CRTC1: variants seen among roughly 807,000 people sequenced by gnomAD.
CRTC1 encodes CREB-regulated transcription coactivator 1.
Under a neutral mutation model 66.1 loss-of-function variants are expected in CRTC1, and 18 were observed. The ratio of observed to expected loss-of-function variants is 0.27; its 90% CI spans 0.19 to 0.40. The LOEUF is 0.40. Ranked by LOEUF, CRTC1 falls within the 10% of genes least tolerant of loss-of-function variation. CRTC1 has a pLI of 1.00. For synonymous variants in CRTC1, 416 were observed against 398.8 expected, an observed-to-expected ratio of 1.04 and a Z score of -0.51; for missense variants, 669 against 887.9, an observed-to-expected ratio of 0.75 and a Z score of 3.13.
Position 18,747,557 on chromosome 19 carries a change from C to T in CRTC1, c.443+443C>T, listed in dbSNP as rs540729798. The stretch of plus-strand genomic sequence containing the variant: ...GAGGCTGAGGCGGGATAATTGAACC[C>T]GGGAGGCGGAGGTTGCGGTGAGCCA... On this transcript the variant is annotated intron_variant, in intron 4 of 13. Transcript: ENST00000321949. Among the ~76,000 whole-genome samples the T allele has an allele frequency of 2.2e-3, 335 of 152,024 alleles. 1 individual carries two copies. Among genetic ancestry groups the T allele is most frequent in the African/African-American group, 7.5e-3 (311 of 41,466 alleles).
intron 1 of CRTC1, among the ~76,000 whole-genome samples, chr19:18,691,582 T>TGTG (rs1167399421): frequency 6.8e-6 from 1 of 145,994 alleles, no homozygotes; most frequent in Non-Finnish European, 1.5e-5. Context: ...GAGAGGACCA[T>TGTG]GTGACAATGG....
intron 1 of CRTC1, among the ~76,000 whole-genome samples, chr19:18,706,536 A>G (rs113211423): frequency 3.8e-4 from 58 of 152,198 alleles, no homozygotes; most frequent in African/African-American, 1.3e-3. Flanking sequence ...TCTTTATGCC[A>G]GTATCACACT....
intron 7 of CRTC1, 39 bp from the exon 8 acceptor site, chr19:18,759,969 C>T (rs1600972068): frequency 1.4e-6 from 2 of 1,453,424 alleles, no homozygotes; most frequent in South Asian, 1.3e-5. Context: ...AGCCCCGCCC[C>T]ATGAGCTCAC....
In CRTC1 at chr19:18,775,786, C is replaced by T. The variant is rs1601026088; in HGVS notation, c.1658C>T (p.Ala553Val). ...SLPDSQQLGY[A>V]SHSGIPNIIL... ...CCGGACTCGCAGCAACTGGGATACG[C>T]CAGCCACAGTGGCATCCCCAACATC... The change falls in exon 13 of 14, where the codon GCC (alanine) becomes GTC (valine). Residue 553 changes from alanine (A) to valine (V), a missense_variant. Physicochemically the swap from Ala to Val is moderately conservative, Grantham distance 64. Coordinates refer to ENST00000321949, the MANE Select transcript of CRTC1 (RefSeq NM_015321.3). 6.2e-7 allele frequency: 1 copy of T among 1,609,158 alleles called. No individual in the cohort carries two copies. The highest frequency in any genetic ancestry group is 2.2e-5 in the East Asian group (1 of 44,846).
At chr19:18,757,184 C>T (rs1175432712) in intron 6 of CRTC1, among the ~76,000 whole-genome samples, 2 of 152,158 alleles carry the variant, frequency 1.3e-5, no homozygotes, top group African/African-American at 4.8e-5. Flanking sequence ...ACGTGTCACA[C>T]TGGGAGGCCT....
intron 10 of CRTC1, among the ~76,000 whole-genome samples, chr19:18,770,190 CG>C (rs1163570597): frequency 3.3e-5 from 5 of 152,230 alleles, no homozygotes; most frequent in African/African-American, 9.6e-5. Flanking sequence ...ATGGCTGGGC[CG>C]TGCTAGGACA....
At chr19:18,708,474 G>A (rs563848952) in intron 1 of CRTC1, among the ~76,000 whole-genome samples, 3 of 152,294 alleles carry the variant, frequency 2.0e-5, no homozygotes, top group South Asian at 4.1e-4. Flanking sequence ...GAAGATCATG[G>A]CACTGTCTGC....
chr19:18,705,610 C>T (rs533984694), intron 1 of CRTC1, among the ~76,000 whole-genome samples: 2 of 152,300 alleles, frequency 1.3e-5, no homozygotes, highest in East Asian at 3.9e-4. Context: ...TGAACCACCA[C>T]GCCCAGCCAG....
intron 1 of CRTC1, among the ~76,000 whole-genome samples, chr19:18,702,737 T>A (rs2053175610): frequency 6.6e-6 from 1 of 151,128 alleles, no homozygotes. Context: ...TTTCTCCATG[T>A]TGGTCAGGCT....
At chr19:18,704,406 G>T (rs7343155) in intron 1 of CRTC1, among the ~76,000 whole-genome samples, 150,578 of 152,292 alleles carry the variant, frequency 0.99, 74,448 homozygotes, top group Middle Eastern at 1. Context: ...TTTTTTTAAA[G>T]TTAGTAAAAT....
At position 18,769,815 on chromosome 19, in the gene CRTC1, C is replaced by T. The variant is rs370975343; in HGVS notation, c.1320+1022C>T. ...ACCCTCACACAACAAAGACGGCTTC[C>T]TGCCCCCACTTCAAGGACTTCTAGC... On this transcript the variant is annotated intron_variant, in intron 10 of 13. Transcript: ENST00000321949. Among the ~76,000 whole-genome samples the T allele has an allele frequency of 1.4e-4, 21 of 152,278 alleles. No homozygotes were observed. In the East Asian group the frequency reaches 3.3e-3, roughly 24 times the overall value.
At chr19:18,718,234 C>A (rs1055770552) in intron 1 of CRTC1, among the ~76,000 whole-genome samples, 2 of 152,110 alleles carry the variant, frequency 1.3e-5, no homozygotes, top group Non-Finnish European at 2.9e-5. Context: ...CATTTCAGAT[C>A]GATGGAATCT....
chr19:18,723,529 C>T (rs2053675555), intron 1 of CRTC1, among the ~76,000 whole-genome samples: 1 of 152,222 alleles, frequency 6.6e-6, no homozygotes. Context: ...GTGGTGTCTC[C>T]ATGCTGTGGC....
chr19:18,764,356 G>A (rs1172294191), intron 8 of CRTC1, among the ~76,000 whole-genome samples: 6 of 152,232 alleles, frequency 3.9e-5, no homozygotes, highest in Non-Finnish European at 5.9e-5. Flanking sequence ...GGCTGTTATC[G>A]TCGCCATCTC....
At chr19:18,735,029 C>T (rs1216599109) in intron 1 of CRTC1, among the ~76,000 whole-genome samples, 1 of 152,238 alleles carries the variant, frequency 6.6e-6, no homozygotes, top group Non-Finnish European at 1.5e-5. Flanking sequence ...AATCCTCCCC[C>T]ACAACACGCA....
intron 1 of CRTC1, among the ~76,000 whole-genome samples, chr19:18,727,015 G>A (rs911237966): frequency 6.6e-6 from 1 of 151,892 alleles, no homozygotes; most frequent in Non-Finnish European, 1.5e-5. Context: ...GGAAGGCCGA[G>A]GTGGGAGGAT....
At chr19:18,742,062 C>G (rs1274312668) in intron 1 of CRTC1, among the ~76,000 whole-genome samples, 1 of 152,174 alleles carries the variant, frequency 6.6e-6, no homozygotes, top group African/African-American at 2.4e-5. Context: ...GGCTGCCTCC[C>G]CCAGTTGCAT....
chr19:18,726,085 T>G (rs1476405911), intron 1 of CRTC1, among the ~76,000 whole-genome samples: 2 of 152,238 alleles, frequency 1.3e-5, no homozygotes, highest in Non-Finnish European at 2.9e-5. Context: ...CAGCTCCTTG[T>G]TCTCCCAGCT....
chr19:18,684,427 G>T (rs1470853331), intron 1 of CRTC1, among the ~76,000 whole-genome samples: 1 of 152,076 alleles, frequency 6.6e-6, no homozygotes, highest in East Asian at 1.9e-4. Context: ...TTACTCCCTG[G>T]GTGTTGGGGG....
Sources: allele counts gnomAD v4.1 joint callset (sites outside exome capture counted in the v4.1 genomes callset), GRCh38; gene constraint gnomAD v4.1.1; transcripts MANE v1.5; gene names NCBI Gene and HGNC (gene_info 2026-07-23, HGNC 2026-07-21).